Variants in SH3BGRL2 observed in about 807,000 individuals in gnomAD.
SH3BGRL2 encodes SH3 domain binding glutamate rich protein like 2.
A neutral mutation model predicts 14.8 loss-of-function variants in SH3BGRL2; 21 were observed. The ratio of observed to expected loss-of-function variants is 1.42; its 90% CI spans 1.01 to 2.05. The LOEUF is 2.05. Ranked by LOEUF, SH3BGRL2 falls within the 30% of genes most tolerant of loss-of-function variation. The probability of loss-of-function intolerance (pLI) is 0.00; values close to 1 mark genes in which losing one functional copy is unlikely to be tolerated. For missense variants in SH3BGRL2, 147 were observed against 130.8 expected (o/e 1.12, Z -0.61); for synonymous variants, 50 against 47.8 (o/e 1.05, Z -0.19).
At chr6:79,676,611 G>A (rs1436063409) in intron 2 of SH3BGRL2, among the ~76,000 whole-genome samples, 1 of 109,226 alleles carries the variant, frequency 9.2e-6, no homozygotes, top group East Asian at 2.7e-4. Flanking sequence ...ATGTATGTGT[G>A]TGTGTGTGTG....
chr6:79,569,466 A>G, the SH3BGRL2 span, among the ~76,000 whole-genome samples: 1 of 152,210 alleles, frequency 6.6e-6, no homozygotes. Flanking sequence ...GGGCATTTCA[A>G]AGAAATATAT....
At chr6:79,663,779 G>A (rs1247369052) in intron 1 of SH3BGRL2, among the ~76,000 whole-genome samples, 1 of 152,234 alleles carries the variant, frequency 6.6e-6, no homozygotes, top group African/African-American at 2.4e-5. Flanking sequence ...CAGAGGTGGA[G>A]TCTATAGAGG....
chr6:79,625,121 C>T, the SH3BGRL2 span, among the ~76,000 whole-genome samples: 2 of 151,380 alleles, frequency 1.3e-5, no homozygotes, highest in South Asian at 2.1e-4. Context: ...TGTAGTGAGC[C>T]GTGATCGCAC....
At chr6:79,546,979 C>T in the SH3BGRL2 span, among the ~76,000 whole-genome samples, 4 of 152,134 alleles carry the variant, frequency 2.6e-5, no homozygotes, top group African/African-American at 9.7e-5. Flanking sequence ...TGGGCCTGGC[C>T]TAAGTTGAAA....
At chr6:79,590,438 T>TAC in the SH3BGRL2 span, among the ~76,000 whole-genome samples, 1 of 98,780 alleles carries the variant, frequency 1.0e-5, no homozygotes, top group Non-Finnish European at 2.2e-5. Context: ...TATATATATA[T>TAC]ATATATATAT....
At chr6:79,650,316 A>C (rs1769261530) in intron 1 of SH3BGRL2, among the ~76,000 whole-genome samples, 1 of 152,152 alleles carries the variant, frequency 6.6e-6, no homozygotes, top group Admixed American at 6.6e-5. Context: ...GTAGACAGGG[A>C]AGCTAACATT....
rs1036979380 is a variant in SH3BGRL2, at chr6:79,637,531, A to G, written c.45+6025A>G. On this transcript the variant is annotated intron_variant, in intron 1 of 3. Transcript: ENST00000369838. ...TATATAGTGAAACCCCATCTCTACT[A>G]AAAATACAAAAATTAGCCTGGTATG... 1.8e-4 allele frequency among the ~76,000 whole-genome samples: 27 copies of G among 152,048 alleles called. 1 individual carries two copies. Among genetic ancestry groups the G allele is most frequent in the Non-Finnish European group, 7.4e-5 (5 of 68,022 alleles).
chr6:79,540,835 C>A, the SH3BGRL2 span, among the ~76,000 whole-genome samples: 1 of 152,150 alleles, frequency 6.6e-6, no homozygotes, highest in Admixed American at 6.5e-5. Context: ...AGGCAAAATT[C>A]ATCTAAACTG....
the SH3BGRL2 span, among the ~76,000 whole-genome samples, chr6:79,546,086 A>G: frequency 6.6e-6 from 1 of 152,212 alleles, no homozygotes; most frequent in African/African-American, 2.4e-5. Context: ...GCAACAGGGA[A>G]GGAAGAACAG....
chr6:79,665,061 G>A (rs60265404), intron 1 of SH3BGRL2, among the ~76,000 whole-genome samples: 8 of 152,260 alleles, frequency 5.3e-5, no homozygotes, highest in South Asian at 2.1e-4. Context: ...TTAGCAAGGC[G>A]TCGTGGCGGG....
At chr6:79,698,717 A>G in intron 3 of SH3BGRL2, among the ~76,000 whole-genome samples, 1 of 151,930 alleles carries the variant, frequency 6.6e-6, no homozygotes, top group East Asian at 1.9e-4. Context: ...TAAAGTATGT[A>G]AATATTAGAT....
At chr6:79,552,074 A>G in the SH3BGRL2 span, among the ~76,000 whole-genome samples, 1 of 152,234 alleles carries the variant, frequency 6.6e-6, no homozygotes, top group South Asian at 2.1e-4. Flanking sequence ...TGGGTGACAG[A>G]GTGATACTCT....
In SH3BGRL2 at chr6:79,699,833, G is replaced by C. The variant is rs984493594; in HGVS notation, c.*324G>C. On this transcript the variant is annotated 3_prime_UTR_variant, in exon 4 of 4. Transcript: ENST00000369838. ...TAGCACCGTCAGAGAGAAAATGTTGGATCTGCCCTAGGTTATAGTAGATGC... is the reference window on the plus strand; with the variant it reads ...TAGCACCGTCAGAGAGAAAATGTTGCATCTGCCCTAGGTTATAGTAGATGC... The C allele has an allele frequency of 2.9e-6, 1 of 346,672 alleles. No individual in the cohort carries two copies. The allele number at this position is 346,672 out of a possible 1,614,324, so 21.5% of individuals were successfully genotyped here.
At chr6:79,647,379 C>T (rs1431996655) in intron 1 of SH3BGRL2, among the ~76,000 whole-genome samples, 3 of 151,032 alleles carry the variant, frequency 2.0e-5, no homozygotes, top group Non-Finnish European at 4.4e-5. Flanking sequence ...TTCTTCTATT[C>T]CTTGCGCAGA....
chr6:79,658,058 A>G (rs1442536711), intron 1 of SH3BGRL2, among the ~76,000 whole-genome samples: 1 of 152,204 alleles, frequency 6.6e-6, no homozygotes, highest in African/African-American at 2.4e-5. Flanking sequence ...GTTCTAAAAT[A>G]TTCCTTTAAA....
chr6:79,597,286 GAA>G, the SH3BGRL2 span, among the ~76,000 whole-genome samples: 3 of 137,922 alleles, frequency 2.2e-5, no homozygotes, highest in Admixed American at 1.5e-4. Context: ...GAGAGAGAAA[GAA>G]AGAGAGAAAG....
chr6:79,592,289 G>A, the SH3BGRL2 span, among the ~76,000 whole-genome samples: 7 of 152,142 alleles, frequency 4.6e-5, no homozygotes, highest in East Asian at 3.9e-4. Flanking sequence ...CCTTTATTGA[G>A]GACCTTCCTT....
At chr6:79,654,616 T>G (rs1162916004) in intron 1 of SH3BGRL2, among the ~76,000 whole-genome samples, 1 of 152,228 alleles carries the variant, frequency 6.6e-6, no homozygotes, top group Non-Finnish European at 1.5e-5. Context: ...AAATTTATGC[T>G]TCATCTTGGT....
At chr6:79,653,068 A>G (rs1769337914) in intron 1 of SH3BGRL2, among the ~76,000 whole-genome samples, 1 of 152,222 alleles carries the variant, frequency 6.6e-6, no homozygotes, top group African/African-American at 2.4e-5. Flanking sequence ...TATGAACATC[A>G]CAGATGCATG....
Sources: allele counts gnomAD v4.1 joint callset (sites outside exome capture counted in the v4.1 genomes callset), GRCh38; gene constraint gnomAD v4.1.1; transcripts MANE v1.5; gene names NCBI Gene and HGNC (gene_info 2026-07-23, HGNC 2026-07-21).